Variants in ABCA2 observed in about 807,000 individuals in gnomAD.
ABCA2 encodes the protein ATP-binding cassette sub-family A member 2.
ABCA2 carries 84 observed loss-of-function variants against 262.8 expected under a neutral mutation model. The observed-to-expected ratio is 0.32, with a 90% CI of 0.27 to 0.38. The LOEUF (loss-of-function observed/expected upper bound fraction) is 0.38. Ranked by LOEUF, ABCA2 falls within the 10% of genes least tolerant of loss-of-function variation. The pLI is 1.00. For synonymous variants in ABCA2, 1,696 were observed against 1,502.9 expected (o/e 1.13, Z -2.97); for missense variants, 2,662 against 3,405.9 (o/e 0.78, Z 5.44).
chr9:137,015,270 G>A (rs755027482), intron 24 of ABCA2, 144 bp downstream of exon 24: 128 of 1,209,512 alleles, frequency 1.1e-4, no homozygotes, highest in Non-Finnish European at 1.3e-4. Context: ...AGATACGGGC[G>A]TTGCAGAGGG....
rs757798868 is a variant in ABCA2 at position 137,012,789 on chromosome 9, G to T, written c.5004C>A (p.Gly1668=). Residue 1668 remains glycine (G), a synonymous_variant, in exon 31 of 49, where the codon GGC becomes GGA. Coordinates refer to ENST00000341511, the MANE Select transcript of ABCA2 (RefSeq NM_001606.5). The part of the protein sequence containing the change: ...GHPPQMRVVT[G]DILTDITGHN... ...GGCCGGTGATGTCGGTCAGGATGTC[G>T]CCTGTGACCACCCGCATCTGGGGCG... The T allele has an allele frequency of 1.2e-6, 2 of 1,612,566 alleles. No homozygotes were observed. Among genetic ancestry groups the T allele is most frequent in the Non-Finnish European group, 1.7e-6 (2 of 1,179,880 alleles).
Position 137,010,184 on chromosome 9 carries a change from C to T in ABCA2, c.6353+9G>A, listed in dbSNP as rs772914338. 39 of 1,598,356 alleles carry T rather than the reference C, an allele frequency of 2.4e-5. No homozygotes were observed. Among genetic ancestry groups the T allele is most frequent in the Non-Finnish European group, 3.3e-5 (39 of 1,176,730 alleles). On this transcript the variant is annotated intron_variant, in intron 41 of 48. Coordinates refer to ENST00000341511, the MANE Select transcript of ABCA2 (RefSeq NM_001606.5). ...CGGCGGCCCCGCCCACCCAGGGCTC[C>T]CGCCCCACCTGTGTCCATTGACGAA...
In ABCA2 at chr9:137,022,354, G is replaced by A. The variant is rs746677344; in HGVS notation, c.564C>T (p.Pro188=). 12 of 1,604,404 alleles carry A rather than the reference G, an allele frequency of 7.5e-6. No homozygotes were observed. Among genetic ancestry groups the A allele is most frequent in the African/African-American group, 4.0e-5 (3 of 74,696 alleles). ...CTGGGAGCTGTCCCTGCCTTACCTC[G>A]GGCGGGTCCACACGGGCGGCCAAGA... ...QALLAARVDP[P]EVYHLLFGPS... The change falls in exon 6 of 49, where the codon CCC becomes CCT. Residue 188 remains proline (P), a synonymous_variant. Transcript: ENST00000341511.
Position 137,011,759 on chromosome 9 carries a change from TG to T in ABCA2, c.5536-11del. Reference sequence around the variant, plus strand: ...GGACCAGGTAGTTGAGCTGCAGGGGTGGGGGCGGCTGGTGAGAGACCCGGGG... The same window carrying T: ...GGACCAGGTAGTTGAGCTGCAGGGGTGGGGCGGCTGGTGAGAGACCCGGGG... On this transcript the variant is annotated splice_polypyrimidine_tract_variant and intron_variant, in intron 35 of 48. Transcript: ENST00000341511. The surrounding 1 kb of genome is among the most constrained non-coding windows in gnomAD (Gnocchi z 8.8). 7.5e-7 allele frequency: 1 copy of T among 1,327,136 alleles called. No individual in the cohort carries two copies. The highest frequency in any genetic ancestry group is 1.0e-6 in the Non-Finnish European group (1 of 970,962). The allele number at this position is 1,327,136 out of a possible 1,614,324, so 82.2% of individuals were successfully genotyped here.
Position 137,009,332 on chromosome 9 carries a change from G to GCCCCCCCCCCCCCCCCC in ABCA2, c.6827+37_6827+38insGGGGGGGGGGGGGGGGG. The GCCCCCCCCCCCCCCCCC allele has an allele frequency of 3.1e-6, 3 of 980,350 alleles. No homozygotes were observed. The South Asian group carries it at 4.2e-5, about 14-fold the overall frequency. The allele number at this position is 980,350 out of a possible 1,614,324, so 60.7% of individuals were successfully genotyped here. A position where few individuals can be genotyped will look rare whatever the true frequency, so the allele number is the denominator to read the frequency against. On this transcript the variant is annotated intron_variant, in intron 45 of 48. Transcript: ENST00000341511. ...CCCGCTGCCTGGCCGCCCCCCCCGG[G>GCCCCCCCCCCCCCCCCC]CCCGCCCCAGCCCACCCCTGGCCCT...
chr9:137,009,160 A>G, intron 45 of ABCA2, 107 bp from the exon 46 acceptor site: 1 of 1,118,958 alleles, frequency 8.9e-7, no homozygotes, highest in Non-Finnish European at 1.2e-6. Flanking sequence ...GAAGCCCCAT[A>G]GCCTCCCACA....
Position 137,022,952 on chromosome 9 carries a change from G to A in ABCA2, c.264C>T (p.Tyr88=), listed in dbSNP as rs1449311733. Residue 88 remains tyrosine (Y), a synonymous_variant, in exon 4 of 49, where the codon TAC becomes TAT. Coordinates refer to ENST00000341511, the MANE Select transcript of ABCA2 (RefSeq NM_001606.5). Reference sequence around the variant, plus strand: ...GGGTGGGCACTCACGTGGAGTTGGCGTACTGCAGGAAGCCGAACTCGTCTC... The same window carrying A: ...GGGTGGGCACTCACGTGGAGTTGGCATACTGCAGGAAGCCGAACTCGTCTC... The part of the protein sequence containing the change: ...GQRDEFGFLQ[Y]ANSTVTQLLE... 8 of 1,578,548 alleles carry A rather than the reference G, an allele frequency of 5.1e-6. No homozygotes were observed. The highest frequency in any genetic ancestry group is 1.7e-4 in the Middle Eastern group (1 of 5,898).
chr9:137,018,951 C>T lies in ABCA2; in HGVS notation c.1674G>A (p.Leu558=). Residue 558 remains leucine, a synonymous_variant, in exon 12 of 49, where the codon CTG becomes CTA. Coordinates refer to ENST00000341511, the MANE Select transcript of ABCA2 (RefSeq NM_001606.5). The part of the protein sequence containing the change: ...LPSGMALLQQ[L]DTIDNAACGW... ...CGCAGGCCGCGTTGTCAATGGTATC[C>T]AGCTGCTGCAGGAGGGCCATGCCAC... The T allele has an allele frequency of 6.2e-7, 1 of 1,612,976 alleles. No individual in the cohort carries two copies.
In ABCA2 at chr9:137,011,979, G is replaced by A. The variant is rs751984928; in HGVS notation, c.5400C>T (p.Ile1800=). ...TGGCCGGCACGAAGGACATGGCCACGATGATGAAGATGGCGATGACGACAT... is the reference window on the plus strand; with the variant it reads ...TGGCCGGCACGAAGGACATGGCCACAATGATGAAGATGGCGATGACGACAT... The part of the protein sequence containing the change: ...GTDVVIAIFI[I]VAMSFVPASF... Residue 1800 remains isoleucine, a synonymous_variant, in exon 35 of 49, where the codon ATC becomes ATT. Transcript: ENST00000341511. The surrounding 1 kb of genome is among the most constrained non-coding windows in gnomAD (Gnocchi z 8.8). 1.2e-5 allele frequency: 20 copies of A among 1,612,542 alleles called. No homozygotes were observed. The highest frequency in any genetic ancestry group is 1.4e-5 in the Non-Finnish European group (17 of 1,179,948).
intron 13 of ABCA2, 149 bp from the exon 14 acceptor site, chr9:137,018,500 C>T: frequency 1.6e-6 from 1 of 627,960 alleles, no homozygotes; most frequent in Non-Finnish European, 2.5e-6. Flanking sequence ...GGGTGGGGGC[C>T]CCAGGGGAAA....
At chr9:137,018,864 G>C (rs751511377) in intron 12 of ABCA2, 39 bp downstream of exon 12, 1 of 1,612,268 alleles carries the variant, frequency 6.2e-7, no homozygotes, top group East Asian at 2.2e-5. Flanking sequence ...GTGCGAGGCA[G>C]GGGGTGTCGT....
At position 137,017,835 on chromosome 9, in the gene ABCA2, G is replaced by C. The variant is rs1588519412; in HGVS notation, c.2163C>G (p.Ala721=). 23 of 1,612,600 alleles carry C rather than the reference G, an allele frequency of 1.4e-5. No homozygotes were observed. In the East Asian group the frequency reaches 4.9e-4, roughly 34 times the overall value. ...CCGCCACGATGTGCTGGATGGTCAT[G>C]GCCACGGAGTAGACCCAGGAGATCA... ...CMVISWVYSV[A]MTIQHIVAEK... Residue 721 remains alanine, a synonymous_variant, in exon 16 of 49, where the codon GCC becomes GCG. Transcript: ENST00000341511.
intron 29 of ABCA2, 29 bp downstream of exon 29, chr9:137,013,429 CCCA>C (rs1484460014): frequency 2.5e-6 from 4 of 1,578,604 alleles, no homozygotes; most frequent in Admixed American, 1.9e-5. Context: ...ACTCGCCCCA[CCCA>C]CCAAGGCTGC....
chr9:137,016,430 G>A lies in ABCA2; in HGVS notation c.2965C>T (p.Leu989=). ...GTGAGTTTGTCCACGCAGACAACCA[G>A]AGGCAGGTGGGTGGGCTCCTCCTCC... is the stretch of plus-strand genomic sequence containing the variant. ...GMEEEPTHLP[L]VVCVDKLTKV... is the part of the protein sequence containing the mutation. Residue 989 remains leucine, a synonymous_variant, in exon 21 of 49, where the codon CTG becomes TTG. Transcript: ENST00000341511. 6.2e-7 allele frequency: 1 copy of A among 1,612,850 alleles called. No homozygotes were observed. The highest frequency in any genetic ancestry group is 1.1e-5 in the South Asian group (1 of 91,090).
rs746972508 is a variant in ABCA2, at chr9:137,021,346, T to G, written c.897+46A>C. ...AAGCGGTCCCAGCCCCTCCTTCAAC[T>G]CAGGCAGCAAGCAGCGCAGCGGGCA... On this transcript the variant is annotated intron_variant, in intron 8 of 48. Transcript: ENST00000341511. This position sits in a 1 kb window ranked among gnomAD's most constrained non-coding sequence, Gnocchi z 6.0. The G allele has an allele frequency of 2.5e-6, 4 of 1,588,500 alleles. No individual in the cohort carries two copies. The East Asian group carries it at 6.7e-5, about 27-fold the overall frequency.
rs1406356982 is a variant in ABCA2, at chr9:137,011,712, A to ATT, written c.5572_5573insAA (p.Ile1858LysfsTer79). 6.4e-7 allele frequency: 1 copy of ATT among 1,552,868 alleles called. No individual in the cohort carries two copies. The highest frequency in any genetic ancestry group is 2.4e-5 in the East Asian group (1 of 41,074). On this transcript the variant is annotated frameshift_variant, in exon 36 of 49. Coordinates refer to ENST00000341511, the MANE Select transcript of ABCA2 (RefSeq NM_001606.5). LOFTEE classifies it high-confidence loss of function. The surrounding 1 kb of genome is among the most constrained non-coding windows in gnomAD (Gnocchi z 8.8). ...GGCCGGCAGGTCGAACACAAACAGG[A>ATT]TGATGACACAGCAGGTAGCGGGGAC...
Position 137,014,036 on chromosome 9 carries a change from C to T in ABCA2, c.4243G>A (p.Val1415Met), listed in dbSNP as rs777715399. ...QDPDNVSLQEVEAEALSRVGQ... is the reference protein window; with the variant it reads ...QDPDNVSLQEMEAEALSRVGQ... ...ACCCTCGACAGGGCCTCTGCCTCCA[C>T]CTCTGTGCAGAGAGGTAGAGGCTGA... The change falls in exon 28 of 49, where the codon GTG (valine) becomes ATG (methionine). Residue 1415 changes from valine to methionine, a missense_variant and splice_region_variant. Val to Met is a conservative substitution (Grantham distance 21). Transcript: ENST00000341511. 12 of 1,610,504 alleles carry T rather than the reference C, an allele frequency of 7.5e-6. No homozygotes were observed. The South Asian group carries it at 7.7e-5, about 10-fold the overall frequency.
intron 10 of ABCA2, chr9:137,020,127 C>T: frequency 1.5e-6 from 1 of 647,232 alleles, no homozygotes; most frequent in Non-Finnish European, 2.6e-6. Context: ...AGCAGACTCT[C>T]CAGTGCCTTC....
chr9:137,019,386 C>G lies in ABCA2; in HGVS notation c.1426-80G>C. On this transcript the variant is annotated intron_variant, in intron 10 of 48. Transcript: ENST00000341511. This position sits in a 1 kb window ranked among gnomAD's most constrained non-coding sequence, Gnocchi z 4.4. The stretch of plus-strand genomic sequence containing the variant: ...GGGGCTCTCACCCCACTCACCTCCC[C>G]AGTGGCTGGTCCATTGCCAACAACT... 1 of 1,538,420 alleles carries G rather than the reference C, an allele frequency of 6.5e-7. No individual in the cohort carries two copies. The highest frequency in any genetic ancestry group is 1.2e-5 in the South Asian group (1 of 83,138).
Sources: allele counts gnomAD v4.1 joint callset, GRCh38; gene constraint gnomAD v4.1.1; non-coding constraint Gnocchi (gnomAD v3.1); transcripts MANE v1.5; gene names NCBI Gene and HGNC (gene_info 2026-07-23, HGNC 2026-07-21).